Variants in ABHD2 observed in about 807,000 individuals in gnomAD.
ABHD2 encodes monoacylglycerol lipase ABHD2.
In ABHD2, 20 loss-of-function variants were observed where a neutral mutation model predicts 48.1. The observed-to-expected ratio is 0.42, with a 90% CI of 0.29 to 0.60. ABHD2 has a LOEUF of 0.60. Ranked by LOEUF, ABHD2 falls within the 20% of genes least tolerant of loss-of-function variation. The pLI, the probability that ABHD2 is intolerant of heterozygous loss-of-function variation, is 0.24. For missense variants in ABHD2, 405 were observed against 550.9 expected (o/e 0.74, Z 2.65); for synonymous variants, 209 against 214.2 (o/e 0.98, Z 0.21).
At chr15:89,163,675 G>A (rs141813420) in intron 5 of ABHD2, among the ~76,000 whole-genome samples, 96 of 152,360 alleles carry the variant, frequency 6.3e-4, no homozygotes, top group African/African-American at 2.1e-3. Flanking sequence ...AGGAGCAGGT[G>A]TGATGTTTGA....
At chr15:89,194,273 C>T (rs2238311) in intron 10 of ABHD2, among the ~76,000 whole-genome samples, 9,536 of 151,814 alleles carry the variant, frequency 0.063, 414 homozygotes, top group East Asian at 0.13. Context: ...CCGAGGTAGG[C>T]AGATCACTTG....
intron 3 of ABHD2, among the ~76,000 whole-genome samples, chr15:89,145,294 C>A (rs2050472899): frequency 1.3e-5 from 2 of 152,126 alleles, no homozygotes; most frequent in African/African-American, 4.8e-5. Context: ...CACTTCAGCC[C>A]TTTTGTGTGC....
chr15:89,051,707 GCT>G, the ABHD2 span, among the ~76,000 whole-genome samples: 1 of 152,190 alleles, frequency 6.6e-6, no homozygotes, highest in East Asian at 1.9e-4. Flanking sequence ...CCCTGCAGAT[GCT>G]CTCTCTTGCC....
Position 89,176,777 on chromosome 15 carries a change from T to C in ABHD2, c.722+782T>C, listed in dbSNP as rs1352172607. Among the ~76,000 whole-genome samples the C allele has an allele frequency of 6.6e-6, 1 of 152,188 alleles. No individual in the cohort carries two copies. The highest frequency in any genetic ancestry group is 1.5e-5 in the Non-Finnish European group (1 of 68,030). On this transcript the variant is annotated intron_variant, in intron 6 of 10. Transcript: ENST00000352732. This position sits in a 1 kb window ranked among gnomAD's most constrained non-coding sequence, Gnocchi z 4.5. ...TGGTGTCTTTCGTTTTACCAATGAG[T>C]ATAACCAGTTATTAAAAATCTGATG...
intron 1 of ABHD2, among the ~76,000 whole-genome samples, chr15:89,109,357 C>G (rs1443606759): frequency 6.6e-6 from 1 of 152,180 alleles, no homozygotes. Flanking sequence ...ATTTACAGCA[C>G]CTAAATCCCA....
At chr15:89,064,982 T>A in the ABHD2 span, among the ~76,000 whole-genome samples, 1 of 152,130 alleles carries the variant, frequency 6.6e-6, no homozygotes, top group East Asian at 1.9e-4. Context: ...CTGATTTTTG[T>A]GTTAACCATT....
intron 1 of ABHD2, among the ~76,000 whole-genome samples, chr15:89,099,078 A>C (rs2049659402): frequency 6.6e-6 from 1 of 152,198 alleles, no homozygotes. Context: ...CCTTGCCTGC[A>C]TTAATAGTAA....
intron 1 of ABHD2, among the ~76,000 whole-genome samples, chr15:89,108,195 T>C (rs570034031): frequency 6.6e-6 from 1 of 152,332 alleles, no homozygotes; most frequent in Admixed American, 6.5e-5. Context: ...TCTCTCACCA[T>C]TCTAGAAGCT....
intron 6 of ABHD2, among the ~76,000 whole-genome samples, chr15:89,180,133 G>A (rs764414894): frequency 6.6e-6 from 1 of 152,192 alleles, no homozygotes; most frequent in Non-Finnish European, 1.5e-5. Context: ...AAACAAAGAG[G>A]GGGAAACTGC....
chr15:89,119,186 C>T (rs1317610023), intron 3 of ABHD2, among the ~76,000 whole-genome samples: 3 of 152,152 alleles, frequency 2.0e-5, no homozygotes, highest in Non-Finnish European at 1.5e-5. Context: ...ACAAATTCTC[C>T]AGAACCAATT....
At chr15:89,046,446 T>A in the ABHD2 span, among the ~76,000 whole-genome samples, 1 of 151,770 alleles carries the variant, frequency 6.6e-6, no homozygotes, top group African/African-American at 2.4e-5. Flanking sequence ...CTTTTTCTAT[T>A]GATTGGAATA....
chr15:89,056,845 A>G, the ABHD2 span, among the ~76,000 whole-genome samples: 1 of 151,666 alleles, frequency 6.6e-6, no homozygotes, highest in Non-Finnish European at 1.5e-5. Context: ...GCAGGCAGTC[A>G]GGAAATATAG....
At chr15:89,111,945 A>G (rs2049881884) in intron 1 of ABHD2, among the ~76,000 whole-genome samples, 3 of 151,954 alleles carry the variant, frequency 2.0e-5, no homozygotes, top group African/African-American at 7.3e-5. Context: ...TTTTATTTAT[A>G]TATATATATA....
chr15:89,079,032 C>T, the ABHD2 span, among the ~76,000 whole-genome samples: 2 of 152,278 alleles, frequency 1.3e-5, no homozygotes, highest in South Asian at 4.1e-4. The surrounding 1 kb of genome is among the most constrained non-coding windows in gnomAD (Gnocchi z 4.3). Flanking sequence ...TGTGCCTGGC[C>T]AACTATGTAG....
intron 3 of ABHD2, among the ~76,000 whole-genome samples, chr15:89,136,671 C>T (rs548200985): frequency 1.3e-5 from 2 of 152,238 alleles, no homozygotes; most frequent in East Asian, 3.9e-4. Context: ...CAGCGCAGCT[C>T]CTAGTTGATT....
At chr15:89,129,347 T>C (rs563164800) in intron 3 of ABHD2, among the ~76,000 whole-genome samples, 11 of 151,988 alleles carry the variant, frequency 7.2e-5, no homozygotes, top group African/African-American at 2.4e-4. Context: ...AAGGAAAACA[T>C]TGAAGAGGGT....
chr15:89,170,210 C>T (rs138123096), intron 5 of ABHD2, among the ~76,000 whole-genome samples: 106 of 149,376 alleles, frequency 7.1e-4, no homozygotes, highest in African/African-American at 2.5e-3. Flanking sequence ...ATTCTCCCAC[C>T]TCAGCCTCCC....
rs1432493199 is a variant in ABHD2, at chr15:89,201,622, C to G, written c.*6199C>G. 2 of 1,596,162 alleles carry G rather than the reference C, an allele frequency of 1.3e-6. No individual in the cohort carries two copies. The highest frequency in any genetic ancestry group is 1.7e-6 in the Non-Finnish European group (2 of 1,163,762). Reference sequence around the variant, plus strand: ...TCAATAATTCCACTGTTGGGCCTCACACAGTACCGGTGAGGCACGGTAGTC... The same window carrying G: ...TCAATAATTCCACTGTTGGGCCTCAGACAGTACCGGTGAGGCACGGTAGTC... On this transcript the variant is annotated 3_prime_UTR_variant, in exon 11 of 11. Coordinates refer to ENST00000352732, the MANE Select transcript of ABHD2 (RefSeq NM_152924.5).
At chr15:89,101,589 A>G (rs1444657218) in intron 1 of ABHD2, among the ~76,000 whole-genome samples, 1 of 152,268 alleles carries the variant, frequency 6.6e-6, no homozygotes, top group Non-Finnish European at 1.5e-5. Context: ...AAATTTGTGT[A>G]GAATTTAAAC....
Sources: allele counts gnomAD v4.1 joint callset (sites outside exome capture counted in the v4.1 genomes callset), GRCh38; gene constraint gnomAD v4.1.1; non-coding constraint Gnocchi (gnomAD v3.1); transcripts MANE v1.5; gene names NCBI Gene and HGNC (gene_info 2026-07-23, HGNC 2026-07-21).